The following AMIGO1 variants were observed in gnomAD, a reference collection of about 807,000 sequenced individuals.
AMIGO1 encodes the protein amphoterin-induced protein 1.
For missense variants in AMIGO1, 361 were observed against 612.3 expected, an observed-to-expected ratio of 0.59 and a Z score of 4.33; for synonymous variants, 249 against 266.3, an observed-to-expected ratio of 0.93 and a Z score of 0.63.
rs1657997440 is a variant in AMIGO1 at position 109,505,630 on chromosome 1, C to T, written c.*1801G>A. 1 of 152,130 alleles carries T rather than the reference C, an allele frequency of 6.6e-6. No individual in the cohort carries two copies. 9.4% of individuals were successfully genotyped at this position (152,130 alleles called of 1,614,324 possible). On this transcript the variant is annotated 3_prime_UTR_variant, in exon 2 of 2. Transcript: ENST00000369864. Reference sequence around the variant, plus strand: ...AAAGGATGGACAGCAGTCTTGAGTTCCCAGGACCAGACAAGGGGAAGATGT... The same window carrying T: ...AAAGGATGGACAGCAGTCTTGAGTTTCCAGGACCAGACAAGGGGAAGATGT...
rs1199410913 is a variant in AMIGO1 at position 109,509,628 on chromosome 1, C to T, written c.-296G>A. ...GCTGAGCCCGCCGGAGCCCACCGAC[C>T]GCGGTCGCTGCCTCCAGGTCCGCAG... On this transcript the variant is annotated 5_prime_UTR_variant, in exon 1 of 2. Coordinates refer to ENST00000369864, the MANE Select transcript of AMIGO1 (RefSeq NM_020703.4). The T allele has an allele frequency of 6.6e-6, 1 of 151,766 alleles. No homozygotes were observed. The highest frequency in any genetic ancestry group is 1.5e-5 in the Non-Finnish European group (1 of 67,902). 9.4% of individuals were successfully genotyped at this position (151,766 alleles called of 1,614,324 possible). A position where few individuals can be genotyped will look rare whatever the true frequency, so the allele number is the denominator to read the frequency against.
chr1:109,508,744 G>A lies in AMIGO1; in HGVS notation c.169C>T (p.His57Tyr). 1 of 1,614,050 alleles carries A rather than the reference G, an allele frequency of 6.2e-7. No individual in the cohort carries two copies. Among genetic ancestry groups the A allele is most frequent in the East Asian group, 2.2e-5 (1 of 44,874 alleles). ...AGTGCTGTGTAACTGGGCAAGGAAT[G>A]GGGCACATTGGGCAGCTGCTGCTTG... is the stretch of plus-strand genomic sequence containing the variant. Reference protein sequence around the residue: ...CSKQQLPNVPHSLPSYTALLD... With the variant: ...CSKQQLPNVPYSLPSYTALLD... Residue 57 changes from histidine (H) to tyrosine (Y), a missense_variant, in exon 2 of 2, where the codon CAT (histidine) becomes TAT (tyrosine). By Grantham distance (83) the His-to-Tyr change is moderately conservative. Coordinates refer to ENST00000369864, the MANE Select transcript of AMIGO1 (RefSeq NM_020703.4). The surrounding 1 kb of genome is among the most constrained non-coding windows in gnomAD (Gnocchi z 7.8).
In AMIGO1 at chr1:109,508,865, G is replaced by T. The variant is rs745599368; in HGVS notation, c.48C>A (p.Ser16=). The change falls in exon 2 of 2, where the codon TCC becomes TCA. Residue 16 remains serine (S), a synonymous_variant. Coordinates refer to ENST00000369864, the MANE Select transcript of AMIGO1 (RefSeq NM_020703.4). This position sits in a 1 kb window ranked among gnomAD's most constrained non-coding sequence, Gnocchi z 7.8. The part of the protein sequence containing the change: ...DPRGLWLLLP[S]LSLLLFEVAR... ...CCACCTCAAAAAGCAGCAGGGACAA[G>T]GACGGCAGCAGGAGCCAGAGGCCTC... is the stretch of plus-strand genomic sequence containing the variant. 1 of 1,607,064 alleles carries T rather than the reference G, an allele frequency of 6.2e-7. No homozygotes were observed. The highest frequency in any genetic ancestry group is 8.5e-7 in the Non-Finnish European group (1 of 1,176,030).
rs764249735 is a variant in AMIGO1 at position 109,508,099 on chromosome 1, C to T, written c.814G>A (p.Glu272Lys). Residue 272 changes from glutamate (E) to lysine (K), a missense_variant, in exon 2 of 2, where the codon GAG becomes AAG. Transcript: ENST00000369864. The surrounding 1 kb of genome is among the most constrained non-coding windows in gnomAD (Gnocchi z 7.8). ...VFNLSFLNCG[E>K]YKERAWEAHL... ...GCCTCCCAGGCACGCTCCTTGTACT[C>T]GCCACAGTTGAGGAAACTCAGGTTG... is the stretch of plus-strand genomic sequence containing the variant. 8.7e-6 allele frequency: 14 copies of T among 1,614,178 alleles called. No homozygotes were observed. The highest frequency in any genetic ancestry group is 1.1e-5 in the South Asian group (1 of 91,086).
chr1:109,507,922 C>T lies in AMIGO1; in HGVS notation c.991G>A (p.Val331Met). 1 of 1,614,156 alleles carries T rather than the reference C, an allele frequency of 6.2e-7. No individual in the cohort carries two copies. Residue 331 changes from valine (V) to methionine (M), a missense_variant, in exon 2 of 2, where the codon GTG (valine) becomes ATG (methionine). By Grantham distance (21) the Val-to-Met change is conservative. Coordinates refer to ENST00000369864, the MANE Select transcript of AMIGO1 (RefSeq NM_020703.4). The surrounding 1 kb of genome is among the most constrained non-coding windows in gnomAD (Gnocchi z 4.7). The stretch of plus-strand genomic sequence containing the variant: ...TACACACCACCGTCCTCGACCTGCA[C>T]CTGCTGGAAAAGAAGACTGCCATCC... ...SKDGSLLFQQ[V>M]QVEDGGVYTC... is the part of the protein sequence containing the mutation.
Position 109,509,000 on chromosome 1 carries a change from C to T in AMIGO1, c.-87-1G>A. Reference sequence around the variant, plus strand: ...GTTCTGGTGGGGTACGGAAGGGTCACTTGAGAGAAAGAGGATGGGTTTGTG... The same window carrying T: ...GTTCTGGTGGGGTACGGAAGGGTCATTTGAGAGAAAGAGGATGGGTTTGTG... On this transcript the variant is annotated splice_acceptor_variant, in intron 1 of 1. Transcript: ENST00000369864. LOFTEE classifies it low-confidence loss of function (5UTR_SPLICE). This position sits in a 1 kb window ranked among gnomAD's most constrained non-coding sequence, Gnocchi z 7.8. The T allele has an allele frequency of 7.1e-7, 1 of 1,402,286 alleles. No individual in the cohort carries two copies. Among genetic ancestry groups the T allele is most frequent in the Non-Finnish European group, 9.5e-7 (1 of 1,056,808 alleles). The allele number at this position is 1,402,286 out of a possible 1,614,324, so 86.9% of individuals were successfully genotyped here.
At position 109,507,288 on chromosome 1, in the gene AMIGO1, T is replaced by C; in HGVS notation, c.*143A>G. The C allele has an allele frequency of 1.7e-6, 2 of 1,205,178 alleles. No individual in the cohort carries two copies. Among genetic ancestry groups the C allele is most frequent in the South Asian group, 3.1e-5 (2 of 65,372 alleles). 74.7% of individuals were successfully genotyped at this position (1,205,178 alleles called of 1,614,324 possible). ...AGCCACGCCCTGTTTGGGGTCTTGCTCTCTGTTGTACCTGGGACCAATTCC... is the reference window on the plus strand; with the variant it reads ...AGCCACGCCCTGTTTGGGGTCTTGCCCTCTGTTGTACCTGGGACCAATTCC... On this transcript the variant is annotated 3_prime_UTR_variant, in exon 2 of 2. Transcript: ENST00000369864. This position sits in a 1 kb window ranked among gnomAD's most constrained non-coding sequence, Gnocchi z 4.7.
rs1046056908 is a variant in AMIGO1, at chr1:109,506,435, G to T, written c.*996C>A. ...TGGATGAAGAGATGGCATACATTGAGAATCAGCTAGGTCCAGCTGGATGCT... is the reference window on the plus strand; with the variant it reads ...TGGATGAAGAGATGGCATACATTGATAATCAGCTAGGTCCAGCTGGATGCT... On this transcript the variant is annotated 3_prime_UTR_variant, in exon 2 of 2. Coordinates refer to ENST00000369864, the MANE Select transcript of AMIGO1 (RefSeq NM_020703.4). 5.3e-5 allele frequency: 8 copies of T among 152,224 alleles called. No individual in the cohort carries two copies. The highest frequency in any genetic ancestry group is 1.9e-4 in the African/African-American group (8 of 41,454). 9.4% of individuals were successfully genotyped at this position (152,224 alleles called of 1,614,324 possible).
At position 109,504,323 on chromosome 1, in the gene AMIGO1, C is replaced by A. The variant is rs556133797; in HGVS notation, c.*3108G>T. On this transcript the variant is annotated 3_prime_UTR_variant, in exon 2 of 2. Transcript: ENST00000369864. ...AGGCCTGCTTGCTTTGTCAGCAGAG[C>A]TACGAGGAAGTACAGAGGTAAGAAC... 1 of 152,286 alleles carries A rather than the reference C, an allele frequency of 6.6e-6. No individual in the cohort carries two copies. Among genetic ancestry groups the A allele is most frequent in the African/African-American group, 2.4e-5 (1 of 41,550 alleles). 9.4% of individuals were successfully genotyped at this position (152,286 alleles called of 1,614,324 possible). A position where few individuals can be genotyped will look rare whatever the true frequency, so the allele number is the denominator to read the frequency against.
In AMIGO1 at chr1:109,507,555, T is replaced by A. The variant is rs1177871309; in HGVS notation, c.1358A>T (p.Gln453Leu). 1.2e-6 allele frequency: 2 copies of A among 1,614,100 alleles called. No homozygotes were observed. Among genetic ancestry groups the A allele is most frequent in the Non-Finnish European group, 1.7e-6 (2 of 1,180,010 alleles). The change falls in exon 2 of 2, where the codon CAA becomes CTA. Residue 453 changes from glutamine to leucine, a missense_variant. Gln to Leu is a moderately radical substitution (Grantham distance 113). Transcript: ENST00000369864. The surrounding 1 kb of genome is among the most constrained non-coding windows in gnomAD (Gnocchi z 4.7). ...FLEPAGPGQG[Q>L]NGKLKPGNTL... The stretch of plus-strand genomic sequence containing the variant: ...GTTGCCTGGCTTGAGCTTGCCGTTT[T>A]GACCCTGCCCAGGTCCAGCAGGTTC...
rs1658035148 is a variant in AMIGO1 at position 109,506,928 on chromosome 1, A to G, written c.*503T>C. 6.4e-6 allele frequency: 1 copy of G among 155,820 alleles called. No homozygotes were observed. The highest frequency in any genetic ancestry group is 2.4e-5 in the African/African-American group (1 of 41,472). The allele number at this position is 155,820 out of a possible 1,614,324, so 9.7% of individuals were successfully genotyped here. A position where few individuals can be genotyped will look rare whatever the true frequency, so the allele number is the denominator to read the frequency against. On this transcript the variant is annotated 3_prime_UTR_variant, in exon 2 of 2. Coordinates refer to ENST00000369864, the MANE Select transcript of AMIGO1 (RefSeq NM_020703.4). ...CTGACTCATTTTCCAAAGGTTTTCA[A>G]CTTCCCCAGCTGTGAAGTTTGACTT...
Position 109,507,743 on chromosome 1 carries a change from G to A in AMIGO1, c.1170C>T (p.Tyr390=). Reference sequence around the variant, plus strand: ...AGCAGCGGCAAGGGGTGAGGTATAGGTATATGAGGACCAGGACCACACTAA... The same window carrying A: ...AGCAGCGGCAAGGGGTGAGGTATAGATATATGAGGACCAGGACCACACTAA... The part of the protein sequence containing the change: ...CILSVVLVLI[Y]LYLTPCRCWC... The change falls in exon 2 of 2, where the codon TAC becomes TAT. Residue 390 remains tyrosine, a synonymous_variant. Transcript: ENST00000369864. The surrounding 1 kb of genome is among the most constrained non-coding windows in gnomAD (Gnocchi z 4.7). 2 of 1,614,104 alleles carry A rather than the reference G, an allele frequency of 1.2e-6. No individual in the cohort carries two copies. Among genetic ancestry groups the A allele is most frequent in the South Asian group, 1.1e-5 (1 of 91,088 alleles).
rs1458621788 is a variant in AMIGO1 at position 109,508,928 on chromosome 1, G to A, written c.-16C>T. ...GGGGGTGCATAGTGTCACTGGAGTG[G>A]GCGAGGAAGGCCACAAGGAAGATCT... On this transcript the variant is annotated 5_prime_UTR_variant, in exon 2 of 2. Transcript: ENST00000369864. This position sits in a 1 kb window ranked among gnomAD's most constrained non-coding sequence, Gnocchi z 7.8. 1.3e-6 allele frequency: 2 copies of A among 1,514,490 alleles called. No homozygotes were observed. Among genetic ancestry groups the A allele is most frequent in the Middle Eastern group, 1.9e-4 (1 of 5,308 alleles). The allele number at this position is 1,514,490 out of a possible 1,614,324, so 93.8% of individuals were successfully genotyped here.
In AMIGO1 at chr1:109,507,429, G is replaced by T. The variant is rs1200744273; in HGVS notation, c.*2C>A. On this transcript the variant is annotated 3_prime_UTR_variant, in exon 2 of 2. Coordinates refer to ENST00000369864, the MANE Select transcript of AMIGO1 (RefSeq NM_020703.4). The surrounding 1 kb of genome is among the most constrained non-coding windows in gnomAD (Gnocchi z 4.7). ...CAGAATCTCCCCACCAACCCATCCT[G>T]CTCACACCACAATGGGCGTATCAGA... 1 of 1,592,904 alleles carries T rather than the reference G, an allele frequency of 6.3e-7. No individual in the cohort carries two copies. The highest frequency in any genetic ancestry group is 1.3e-5 in the African/African-American group (1 of 74,626).
rs1404920423 is a variant in AMIGO1, at chr1:109,504,681, A to G, written c.*2750T>C. On this transcript the variant is annotated 3_prime_UTR_variant, in exon 2 of 2. Transcript: ENST00000369864. ...CTACCTTTGGGTTCTATCACCTGAA[A>G]CCACGGGAAGAAACAAATCAAATCT... is the stretch of plus-strand genomic sequence containing the variant. The G allele has an allele frequency of 1.3e-5, 2 of 152,174 alleles. No individual in the cohort carries two copies. The highest frequency in any genetic ancestry group is 2.9e-5 in the Non-Finnish European group (2 of 68,034). 9.4% of individuals were successfully genotyped at this position (152,174 alleles called of 1,614,324 possible). A position where few individuals can be genotyped will look rare whatever the true frequency, so the allele number is the denominator to read the frequency against.
chr1:109,507,559 C>T lies in AMIGO1; in HGVS notation c.1354G>A (p.Gly452Ser), dbSNP rs780360711. The T allele has an allele frequency of 1.9e-6, 3 of 1,614,072 alleles. No homozygotes were observed. Among genetic ancestry groups the T allele is most frequent in the South Asian group, 2.2e-5 (2 of 91,084 alleles). The change falls in exon 2 of 2, where the codon GGT becomes AGT. Residue 452 changes from glycine (G) to serine (S), a missense_variant. By Grantham distance (56) the Gly-to-Ser change is moderately conservative. Transcript: ENST00000369864. The surrounding 1 kb of genome is among the most constrained non-coding windows in gnomAD (Gnocchi z 4.7). ...CCTGGCTTGAGCTTGCCGTTTTGAC[C>T]CTGCCCAGGTCCAGCAGGTTCCAGG... ...AFLEPAGPGQ[G>S]QNGKLKPGNT...
chr1:109,507,617 G>A lies in AMIGO1; in HGVS notation c.1296C>T (p.Asp432=), dbSNP rs749453465. ...CCCGCCGGTCAAAACCATCATCTTT[G>A]TCCCCACCAGCCATAGGATCATGGT... ...TPNHDPMAGG[D]KDDGFDRRVA... The change falls in exon 2 of 2, where the codon GAC becomes GAT. Residue 432 remains aspartate, a synonymous_variant. Transcript: ENST00000369864. This position sits in a 1 kb window ranked among gnomAD's most constrained non-coding sequence, Gnocchi z 4.7. 3.1e-6 allele frequency: 5 copies of A among 1,614,060 alleles called. No homozygotes were observed. The highest frequency in any genetic ancestry group is 4.2e-6 in the Non-Finnish European group (5 of 1,180,016).
In AMIGO1 at chr1:109,507,163, C is replaced by T. The variant is rs1658042796; in HGVS notation, c.*268G>A. On this transcript the variant is annotated 3_prime_UTR_variant, in exon 2 of 2. Coordinates refer to ENST00000369864, the MANE Select transcript of AMIGO1 (RefSeq NM_020703.4). The surrounding 1 kb of genome is among the most constrained non-coding windows in gnomAD (Gnocchi z 4.7). ...CTTCCTCATTCCCATCCAACTCAGA[C>T]ATGCTTCTCTTCCTCTACCACACTG... The T allele has an allele frequency of 4.8e-6, 2 of 416,186 alleles. No individual in the cohort carries two copies. The highest frequency in any genetic ancestry group is 8.6e-6 in the Non-Finnish European group (2 of 232,342). The allele number at this position is 416,186 out of a possible 1,614,324, so 25.8% of individuals were successfully genotyped here. A position where few individuals can be genotyped will look rare whatever the true frequency, so the allele number is the denominator to read the frequency against.
In AMIGO1 at chr1:109,509,686, C is replaced by T. The variant is rs182292044; in HGVS notation, c.-354G>A. 1 of 150,730 alleles carries T rather than the reference C, an allele frequency of 6.6e-6. No homozygotes were observed. The highest frequency in any genetic ancestry group is 2.4e-5 in the African/African-American group (1 of 41,270). 9.3% of individuals were successfully genotyped at this position (150,730 alleles called of 1,614,324 possible). A position where few individuals can be genotyped will look rare whatever the true frequency, so the allele number is the denominator to read the frequency against. ...GCGGATCGGTGCGGGGAGCCGGAGG[C>T]GCAGCGATCCCAGCGGAGGGAGCGG... On this transcript the variant is annotated 5_prime_UTR_variant, in exon 1 of 2. Transcript: ENST00000369864.
Sources: allele counts gnomAD v4.1 joint callset, GRCh38; gene constraint gnomAD v4.1.1; non-coding constraint Gnocchi (gnomAD v3.1); transcripts MANE v1.5; gene names NCBI Gene and HGNC (gene_info 2026-07-23, HGNC 2026-07-21).